Variants in PRMT3 observed in about 807,000 individuals in gnomAD.
PRMT3 encodes protein arginine methyltransferase 3, also known as protein arginine N-methyltransferase 3.
PRMT3 carries 62 observed loss-of-function variants against 71.9 expected under a neutral mutation model. The ratio of observed to expected loss-of-function variants is 0.86; its 90% CI spans 0.70 to 1.07. PRMT3 has a LOEUF of 1.07. Among genes scored for constraint, PRMT3 ranks in the 50% least tolerant of loss-of-function variants. The probability of loss-of-function intolerance (pLI) is 0.00; values close to 1 mark genes in which losing one functional copy is unlikely to be tolerated. For synonymous variants in PRMT3, 213 were observed against 220.4 expected (o/e 0.97, Z 0.30); for missense variants, 663 against 643.0 (o/e 1.03, Z -0.34).
intron 7 of PRMT3, among the ~76,000 whole-genome samples, chr11:20,400,921 A>G (rs1489881395): frequency 1.3e-5 from 2 of 151,850 alleles, no homozygotes; most frequent in Non-Finnish European, 2.9e-5. Context: ...AATTTTTAGA[A>G]ATGGTTATAA....
intron 13 of PRMT3, among the ~76,000 whole-genome samples, chr11:20,488,676 A>G (rs185856562): frequency 6.6e-6 from 1 of 152,266 alleles, no homozygotes; most frequent in Admixed American, 6.5e-5. Context: ...ATAATTTTTA[A>G]TTTCCTTCTT....
At position 20,480,435 on chromosome 11, in the gene PRMT3, A is replaced by T. The variant is rs557503473; in HGVS notation, c.1348-13484A>T. Among the ~76,000 whole-genome samples, 14 of 152,270 alleles carry T rather than the reference A, an allele frequency of 9.2e-5. No individual in the cohort carries two copies. The South Asian group carries it at 2.5e-3, about 27-fold the overall frequency. On this transcript the variant is annotated intron_variant, in intron 13 of 15. Transcript: ENST00000331079. ...TGTCTATCTGGTGGTCAGTAGTTTG[A>T]TAGGTTTAAGGAGTTGAAAGAAGCC...
At chr11:20,416,622 T>C (rs1849311183) in intron 9 of PRMT3, among the ~76,000 whole-genome samples, 1 of 152,208 alleles carries the variant, frequency 6.6e-6, no homozygotes. Flanking sequence ...ACCCATTGTT[T>C]CTGATAGATT....
At chr11:20,457,031 C>A (rs192069087) in intron 11 of PRMT3, among the ~76,000 whole-genome samples, 1 of 152,144 alleles carries the variant, frequency 6.6e-6, no homozygotes, top group Non-Finnish European at 1.5e-5. Flanking sequence ...CCTGCCACCA[C>A]GTCCAGCTAA....
intron 13 of PRMT3, among the ~76,000 whole-genome samples, chr11:20,489,044 G>A (rs961805501): frequency 4.6e-5 from 7 of 152,108 alleles, no homozygotes; most frequent in African/African-American, 1.4e-4. Flanking sequence ...AGTAATTGTC[G>A]AGGATTCTCA....
chr11:20,395,670 A>C, intron 5 of PRMT3, 133 bp from the exon 6 acceptor site: 1 of 875,096 alleles, frequency 1.1e-6, no homozygotes, highest in Non-Finnish European at 1.7e-6. Context: ...TTAATATTCA[A>C]TTAAAAGTAC....
intron 13 of PRMT3, among the ~76,000 whole-genome samples, chr11:20,475,655 T>C (rs1234775429): frequency 2.8e-4 from 4 of 14,086 alleles, no homozygotes; most frequent in Non-Finnish European, 1.6e-3. Context: ...TTAATGTCTT[T>C]TTTTTTTTTT....
At chr11:20,392,160 A>G (rs770963007) in intron 3 of PRMT3, 51 bp from the exon 4 acceptor site, 4 of 1,532,752 alleles carry the variant, frequency 2.6e-6, no homozygotes, top group Non-Finnish European at 3.6e-6. Flanking sequence ...TAGGTCAGTT[A>G]AACAAAACTC....
intron 15 of PRMT3, among the ~76,000 whole-genome samples, chr11:20,504,749 A>AGAGAGAGAGAGC (rs1851549845): frequency 6.6e-6 from 1 of 150,790 alleles, no homozygotes; most frequent in African/African-American, 2.4e-5. Flanking sequence ...AGAGAGAGCG[A>AGAGAGAGAGAGC]GAGCGACTGA....
chr11:20,453,318 TAAAA>T (rs35130616), intron 11 of PRMT3, among the ~76,000 whole-genome samples: 6 of 96,792 alleles, frequency 6.2e-5, no homozygotes, highest in South Asian at 3.4e-4. Context: ...CCGTCTTTAC[TAAAA>T]AAAAAAAAAA....
intron 10 of PRMT3, among the ~76,000 whole-genome samples, chr11:20,445,682 C>T (rs748880345): frequency 6.6e-6 from 1 of 152,036 alleles, no homozygotes; most frequent in African/African-American, 2.4e-5. Context: ...GTTAGAACTC[C>T]GTACCCCAGA....
intron 8 of PRMT3, 91 bp from the exon 9 acceptor site, chr11:20,407,820 G>A (rs891842031): frequency 2.3e-6 from 3 of 1,287,462 alleles, no homozygotes; most frequent in African/African-American, 3.0e-5. Flanking sequence ...TCTTTTCCTA[G>A]CCAGAAACAT....
chr11:20,394,919 G>A (rs1178949209), intron 5 of PRMT3, among the ~76,000 whole-genome samples: 1 of 152,100 alleles, frequency 6.6e-6, no homozygotes, highest in East Asian at 1.9e-4. Flanking sequence ...AGCAATATCT[G>A]AATTTAATAC....
At position 20,508,526 on chromosome 11, in the gene PRMT3, T is replaced by C. The variant is rs557224594; in HGVS notation, c.*113T>C. On this transcript the variant is annotated 3_prime_UTR_variant, in exon 16 of 16. Transcript: ENST00000331079. Reference sequence around the variant, plus strand: ...GGATGGATGATGGACCCTTTCCTAATGAGCCTCCTCAATAAGAGAGAAGTT... The same window carrying C: ...GGATGGATGATGGACCCTTTCCTAACGAGCCTCCTCAATAAGAGAGAAGTT... 35 of 760,354 alleles carry C rather than the reference T, an allele frequency of 4.6e-5. No homozygotes were observed. Among genetic ancestry groups the C allele is most frequent in the Non-Finnish European group, 7.9e-5 (33 of 419,900 alleles). 47.1% of individuals were successfully genotyped at this position (760,354 alleles called of 1,614,324 possible). A position where few individuals can be genotyped will look rare whatever the true frequency, so the allele number is the denominator to read the frequency against.
chr11:20,452,490 T>C (rs1051495663), intron 11 of PRMT3, among the ~76,000 whole-genome samples: 1 of 152,210 alleles, frequency 6.6e-6, no homozygotes, highest in African/African-American at 2.4e-5. Flanking sequence ...CTTTTTGATA[T>C]TCAAACTCAA....
intron 10 of PRMT3, among the ~76,000 whole-genome samples, chr11:20,428,452 G>A (rs2133354782): frequency 6.6e-6 from 1 of 152,206 alleles, no homozygotes; most frequent in South Asian, 2.1e-4. Flanking sequence ...GATAGTTCTT[G>A]CTCTGCCTAG....
chr11:20,453,318 TAAAAA>T (rs35130616), intron 11 of PRMT3, among the ~76,000 whole-genome samples: 3 of 96,806 alleles, frequency 3.1e-5, no homozygotes, highest in Non-Finnish European at 4.3e-5. Flanking sequence ...CCGTCTTTAC[TAAAAA>T]AAAAAAAAAA....
intron 11 of PRMT3, among the ~76,000 whole-genome samples, chr11:20,458,183 G>GA (rs1850309449): frequency 6.6e-6 from 1 of 151,904 alleles, no homozygotes; most frequent in African/African-American, 2.4e-5. Context: ...TATATATCAT[G>GA]AAAAAAGTGG....
At chr11:20,499,932 T>C (rs919534004) in intron 15 of PRMT3, among the ~76,000 whole-genome samples, 4 of 152,138 alleles carry the variant, frequency 2.6e-5, no homozygotes, top group African/African-American at 9.7e-5. Flanking sequence ...CCAGAGTATA[T>C]GGAGCAGCCA....
Sources: gnomAD v4.1 joint callset for allele counts (sites outside exome capture counted in the v4.1 genomes callset) on GRCh38, gnomAD v4.1.1 for gene constraint, MANE v1.5 for transcripts, NCBI Gene and HGNC (gene_info 2026-07-23, HGNC 2026-07-21) for gene names.